Variants in SRGAP2C observed in about 807,000 individuals in gnomAD.
SRGAP2C encodes the protein SLIT-ROBO Rho GTPase activating protein 2C, also known as SLIT-ROBO Rho GTPase-activating protein 2C.
In SRGAP2C, 15 loss-of-function variants were observed where a neutral mutation model predicts 25.1. The observed-to-expected ratio is 0.60, with a 90% CI of 0.40 to 0.92. SRGAP2C has a LOEUF of 0.92. SRGAP2C is among the 40% of genes least tolerant of loss of function. The probability of loss-of-function intolerance (pLI) is 0.00; values close to 1 mark genes in which losing one functional copy is unlikely to be tolerated. For synonymous variants in SRGAP2C, 44 were observed against 96.6 expected, an observed-to-expected ratio of 0.46 and a Z score of 3.19; for missense variants, 144 against 264.4, an observed-to-expected ratio of 0.54 and a Z score of 3.16.
chr1:121,314,857 G>T, intron 3 of SRGAP2C: 2 of 533,648 alleles, frequency 3.7e-6, no homozygotes, highest in South Asian at 3.2e-5. Flanking sequence ...GAAATCACCC[G>T]TCTTCTGTGT....
intron 4 of SRGAP2C, among the ~76,000 whole-genome samples, chr1:121,343,612 T>A (rs1167627849): frequency 1.9e-5 from 2 of 106,646 alleles, no homozygotes; most frequent in Non-Finnish European, 3.9e-5. Context: ...GAATCAGAGA[T>A]CTCTTAGTTG....
At chr1:121,279,630 G>T (rs1282918775) in intron 2 of SRGAP2C, among the ~76,000 whole-genome samples, 1 of 149,176 alleles carries the variant, frequency 6.7e-6, no homozygotes, top group East Asian at 2.0e-4. Context: ...ATACTAGGAC[G>T]AGTATAGTTA....
At chr1:121,236,213 C>T (rs1327771911) in intron 2 of SRGAP2C, among the ~76,000 whole-genome samples, 4 of 152,130 alleles carry the variant, frequency 2.6e-5, no homozygotes, top group East Asian at 3.9e-4. Context: ...TCCTTTCCTG[C>T]GATTACAGCC....
intron 2 of SRGAP2C, among the ~76,000 whole-genome samples, chr1:121,259,723 C>T (rs1463439780): frequency 1.9e-4 from 28 of 150,480 alleles, no homozygotes; most frequent in Non-Finnish European, 3.4e-4. Flanking sequence ...AAACAATAAA[C>T]ATGATGAATA....
rs1437065462 is a variant in SRGAP2C at position 121,198,837 on chromosome 1, A to G, written c.67+11324A>G. On this transcript the variant is annotated intron_variant, in intron 2 of 9. Transcript: ENST00000367123. ...AGTACTTTGTTACGCGTTGAGCTAC[A>G]GGATTCTACACAGGCAGAATGATCC... Among the ~76,000 whole-genome samples the G allele has an allele frequency of 8.0e-5, 12 of 150,518 alleles. No homozygotes were observed. In the East Asian group the frequency reaches 2.4e-3, roughly 30 times the overall value.
At chr1:121,317,145 G>T (rs1471805388) in intron 3 of SRGAP2C, among the ~76,000 whole-genome samples, 1 of 91,692 alleles carries the variant, frequency 1.1e-5, no homozygotes, top group Admixed American at 1.1e-4. Context: ...CCATGTCTTG[G>T]ATCCAGGAAG....
chr1:121,356,735 C>T (rs28628626), intron 4 of SRGAP2C, among the ~76,000 whole-genome samples: 19 of 152,108 alleles, frequency 1.2e-4, no homozygotes, highest in African/African-American at 4.6e-4. Flanking sequence ...ACGCCCCCAC[C>T]CAAATCATTA....
chr1:121,349,904 C>CA (rs1275774518), intron 4 of SRGAP2C, among the ~76,000 whole-genome samples: 138 of 61,398 alleles, frequency 2.2e-3, no homozygotes, highest in African/African-American at 7.1e-3. Context: ...GTGAGGGCTA[C>CA]AAATAAACAT....
Position 121,391,373 on chromosome 1 carries a change from G to T in SRGAP2C, c.*3518G>T, listed in dbSNP as rs1553357798. 1 of 152,106 alleles carries T rather than the reference G, an allele frequency of 6.6e-6. No individual in the cohort carries two copies. Among genetic ancestry groups the T allele is most frequent in the Admixed American group, 6.5e-5 (1 of 15,286 alleles). 9.4% of individuals were successfully genotyped at this position (152,106 alleles called of 1,614,324 possible). A position where few individuals can be genotyped will look rare whatever the true frequency, so the allele number is the denominator to read the frequency against. On this transcript the variant is annotated 3_prime_UTR_variant, in exon 10 of 10. Transcript: ENST00000367123. ...CTCAGTGCAAGCTCTGTGCAAGAGT[G>T]AACTTGAACTTCACTCAGTGCAAGA...
intron 2 of SRGAP2C, among the ~76,000 whole-genome samples, chr1:121,198,289 T>A (rs1374847067): frequency 6.6e-6 from 1 of 151,624 alleles, no homozygotes; most frequent in African/African-American, 2.4e-5. Flanking sequence ...TTGTTTTTTT[T>A]TTTTGTTTGT....
chr1:121,323,872 T>C (rs1214584452), intron 3 of SRGAP2C, among the ~76,000 whole-genome samples: 6 of 150,944 alleles, frequency 4.0e-5, no homozygotes, highest in Admixed American at 2.0e-4. Context: ...AATGGATACA[T>C]TTGTGGGGAT....
intron 2 of SRGAP2C, among the ~76,000 whole-genome samples, chr1:121,211,440 C>CAG (rs1655253504): frequency 9.1e-5 from 13 of 143,492 alleles, no homozygotes; most frequent in African/African-American, 3.3e-4. Flanking sequence ...CACACACACA[C>CAG]ACACACACAC....
chr1:121,213,190 C>T (rs1422778911), intron 2 of SRGAP2C, among the ~76,000 whole-genome samples: 6 of 148,444 alleles, frequency 4.0e-5, no homozygotes, highest in East Asian at 4.1e-4. Context: ...GGATTACAAG[C>T]GTGTGTCACC....
At chr1:121,194,212 A>AC (rs1654769826) in intron 2 of SRGAP2C, among the ~76,000 whole-genome samples, 1 of 151,524 alleles carries the variant, frequency 6.6e-6, no homozygotes, top group East Asian at 1.9e-4. Flanking sequence ...TGTAATCATT[A>AC]CCCCCAAAGT....
At chr1:121,314,580 A>T (rs1272424589) in intron 3 of SRGAP2C, among the ~76,000 whole-genome samples, 1 of 151,042 alleles carries the variant, frequency 6.6e-6, no homozygotes, top group Non-Finnish European at 1.5e-5. Flanking sequence ...GTCTTTGATG[A>T]TGGTGATGTA....
rs1657484339 is a variant in SRGAP2C, at chr1:121,291,178, A to T, written c.260+6183A>T. Among the ~76,000 whole-genome samples, 2 of 127,156 alleles carry T rather than the reference A, an allele frequency of 1.6e-5. 1 individual carries two copies. Among genetic ancestry groups the T allele is most frequent in the African/African-American group, 5.9e-5 (2 of 34,040 alleles). The allele number at this position is 127,156 out of a possible 152,430, so 83.4% of individuals were successfully genotyped here. ...ATATTCAGAAGGTATTCAAGAAACT[A>T]AATAGGACTGGATAACTGACTGGAT... On this transcript the variant is annotated intron_variant, in intron 3 of 9. Transcript: ENST00000367123.
intron 4 of SRGAP2C, among the ~76,000 whole-genome samples, chr1:121,348,763 A>G (rs1212924375): frequency 7.0e-6 from 1 of 143,464 alleles, no homozygotes; most frequent in African/African-American, 2.6e-5. Flanking sequence ...ACCAATTAAT[A>G]GTTGTTCTCA....
chr1:121,289,342 G>A (rs1262133185), intron 3 of SRGAP2C, among the ~76,000 whole-genome samples: 248 of 150,980 alleles, frequency 1.6e-3, no homozygotes, highest in Non-Finnish European at 1.6e-3. Context: ...GCAGCCACTG[G>A]CCCGGGTGCT....
At chr1:121,255,346 T>G (rs1656433063) in intron 2 of SRGAP2C, among the ~76,000 whole-genome samples, 1 of 151,856 alleles carries the variant, frequency 6.6e-6, no homozygotes, top group South Asian at 2.1e-4. Context: ...TCAGAATAAG[T>G]GCTTCTACAA....
Sources: allele counts gnomAD v4.1 joint callset (sites outside exome capture counted in the v4.1 genomes callset), GRCh38; gene constraint gnomAD v4.1.1; transcripts MANE v1.5; gene names NCBI Gene and HGNC (gene_info 2026-07-23, HGNC 2026-07-21).